Variants in SEPTIN14 observed in about 807,000 individuals in gnomAD.
SEPTIN14 encodes septin 14, also known as septin-14.
In SEPTIN14, 40 loss-of-function variants were observed where a neutral mutation model predicts 53.6. The observed-to-expected ratio is 0.75, with a 90% CI of 0.58 to 0.97. The LOEUF (loss-of-function observed/expected upper bound fraction) is 0.97. Among genes scored for constraint, SEPTIN14 ranks in the 50% least tolerant of loss-of-function variants. The pLI, the probability that SEPTIN14 is intolerant of heterozygous loss-of-function variation, is 0.00. For missense variants in SEPTIN14, 471 were observed against 508.2 expected, an observed-to-expected ratio of 0.93 and a Z score of 0.70; for synonymous variants, 138 against 166.8, an observed-to-expected ratio of 0.83 and a Z score of 1.33.
intron 6 of SEPTIN14, among the ~76,000 whole-genome samples, chr7:55,821,235 C>T (rs1788889005): frequency 6.6e-6 from 1 of 152,136 alleles, no homozygotes; most frequent in African/African-American, 2.4e-5. Flanking sequence ...GGGCCCTGAC[C>T]ATCCTTGCCT....
chr7:55,800,960 T>A (rs1364179771), intron 9 of SEPTIN14, among the ~76,000 whole-genome samples: 1 of 152,142 alleles, frequency 6.6e-6, no homozygotes, highest in Non-Finnish European at 1.5e-5. Flanking sequence ...TATGTATACC[T>A]ACTAGGTACC....
chr7:55,822,252 G>A (rs1324899566), intron 6 of SEPTIN14, among the ~76,000 whole-genome samples: 1 of 151,894 alleles, frequency 6.6e-6, no homozygotes, highest in Non-Finnish European at 1.5e-5. Context: ...AAAAAATCAG[G>A]GACTATCTAA....
Position 55,843,002 on chromosome 7 carries a change from T to C in SEPTIN14, c.498A>G (p.Ser166=), listed in dbSNP as rs763699912. ...GAGACTTCAGGGAATGTCCTGTAGG[T>C]GAAATGAAGTAAAGACACACGTGGA... ...SRVHVCLYFI[S]PTGHSLKSLD... The change falls in exon 5 of 10, where the codon TCA becomes TCG. Residue 166 remains serine (S), a synonymous_variant. Coordinates refer to ENST00000388975, the MANE Select transcript of SEPTIN14 (RefSeq NM_207366.3). The C allele has an allele frequency of 5.7e-6, 9 of 1,575,032 alleles. No homozygotes were observed. The highest frequency in any genetic ancestry group is 7.8e-6 in the Non-Finnish European group (9 of 1,160,112).
intron 2 of SEPTIN14, among the ~76,000 whole-genome samples, chr7:55,849,280 G>C (rs902323730): frequency 6.6e-6 from 1 of 151,270 alleles, no homozygotes; most frequent in African/African-American, 2.4e-5. Flanking sequence ...AACTGAAATC[G>C]GACCACTGCA....
chr7:55,848,048 C>A (rs1363142510), intron 2 of SEPTIN14, among the ~76,000 whole-genome samples: 1 of 152,064 alleles, frequency 6.6e-6, no homozygotes, highest in Non-Finnish European at 1.5e-5. Flanking sequence ...TTTAAATTAA[C>A]CCGCTTTAAA....
chr7:55,858,872 T>C (rs1039708106), intron 2 of SEPTIN14, among the ~76,000 whole-genome samples: 1 of 152,152 alleles, frequency 6.6e-6, no homozygotes, highest in African/African-American at 2.4e-5. Context: ...AGCCCAGCTT[T>C]ACTCAGAGAA....
intron 8 of SEPTIN14, among the ~76,000 whole-genome samples, chr7:55,806,190 G>A (rs761561795): frequency 1.4e-4 from 21 of 151,870 alleles, no homozygotes; most frequent in Non-Finnish European, 2.5e-4. Context: ...TAGTAGGGAC[G>A]GAGCTTTACC....
intron 9 of SEPTIN14, among the ~76,000 whole-genome samples, chr7:55,796,451 C>T (rs193021731): frequency 4.7e-4 from 71 of 151,992 alleles, no homozygotes; most frequent in Admixed American, 1.2e-3. Context: ...TTAGTAGAGA[C>T]GGGGTTTCAC....
chr7:55,832,109 G>A (rs1195248473), intron 6 of SEPTIN14, among the ~76,000 whole-genome samples: 3 of 151,980 alleles, frequency 2.0e-5, no homozygotes, highest in African/African-American at 7.2e-5. Flanking sequence ...GCTGAGGCAG[G>A]GGAATCTCTT....
chr7:55,854,215 T>C (rs900254675), intron 2 of SEPTIN14, among the ~76,000 whole-genome samples: 2 of 152,180 alleles, frequency 1.3e-5, no homozygotes, highest in Non-Finnish European at 2.9e-5. Context: ...GTGAAAAATA[T>C]TATATTTGAT....
At chr7:55,833,585 G>A (rs934760819) in intron 6 of SEPTIN14, among the ~76,000 whole-genome samples, 3 of 151,954 alleles carry the variant, frequency 2.0e-5, no homozygotes, top group African/African-American at 7.3e-5. Flanking sequence ...GCATGCTCCT[G>A]TAATCCCAGC....
intron 8 of SEPTIN14, among the ~76,000 whole-genome samples, chr7:55,806,164 A>T (rs945571071): frequency 3.3e-5 from 5 of 151,270 alleles, no homozygotes; most frequent in African/African-American, 1.2e-4. Context: ...CGCCCAGCTA[A>T]TTTTTTTTGT....
At chr7:55,843,188 G>T in intron 4 of SEPTIN14, 60 bp from the exon 5 acceptor site, 1 of 1,080,966 alleles carries the variant, frequency 9.3e-7, no homozygotes, top group South Asian at 1.8e-5. Context: ...CCTGCTTTTT[G>T]ACCACTTAAT....
intron 8 of SEPTIN14, among the ~76,000 whole-genome samples, chr7:55,806,693 C>G (rs1228300323): frequency 6.6e-6 from 1 of 151,532 alleles, no homozygotes; most frequent in East Asian, 1.9e-4. Flanking sequence ...AAATACCTGA[C>G]CTTAGATGAT....
chr7:55,827,482 A>G (rs1440861645), intron 6 of SEPTIN14, among the ~76,000 whole-genome samples: 1 of 152,188 alleles, frequency 6.6e-6, no homozygotes, highest in Non-Finnish European at 1.5e-5. Context: ...ATAGGGAAAC[A>G]CATCATGTTC....
chr7:55,802,629 T>C (rs1454170910), intron 9 of SEPTIN14, among the ~76,000 whole-genome samples: 2 of 152,150 alleles, frequency 1.3e-5, no homozygotes, highest in African/African-American at 4.8e-5. Context: ...CGCTATAAGA[T>C]CTAAAGCTGT....
In SEPTIN14 at chr7:55,794,219, AT is replaced by A. The variant is rs1471901743; in HGVS notation, c.*1693del. On this transcript the variant is annotated 3_prime_UTR_variant, in exon 10 of 10. Transcript: ENST00000388975. ...TATTCTCAAATGCAGCACAATGATA[AT>A]TTTTATAAGGTAGATGTTATTTTTA... 1 of 152,156 alleles carries A rather than the reference AT, an allele frequency of 6.6e-6. No individual in the cohort carries two copies. Among genetic ancestry groups the A allele is most frequent in the Non-Finnish European group, 1.5e-5 (1 of 68,020 alleles). 9.4% of individuals were successfully genotyped at this position (152,156 alleles called of 1,614,324 possible).
At chr7:55,815,698 C>G (rs1173797180) in intron 7 of SEPTIN14, among the ~76,000 whole-genome samples, 1 of 152,088 alleles carries the variant, frequency 6.6e-6, no homozygotes, top group African/African-American at 2.4e-5. Context: ...CAGGCAATAA[C>G]AAATGCTGGT....
At position 55,830,349 on chromosome 7, in the gene SEPTIN14, A is replaced by ATTTT. The variant is rs1216458496; in HGVS notation, c.720+4072_720+4075dup. On this transcript the variant is annotated intron_variant, in intron 6 of 9. Coordinates refer to ENST00000388975, the MANE Select transcript of SEPTIN14 (RefSeq NM_207366.3). ...TATATATATATATATATATATATAT[A>ATTTT]TTTTTTTTTTTTTTTGAGACGGAGT... Among the ~76,000 whole-genome samples, 336 of 56,772 alleles carry ATTTT rather than the reference A, an allele frequency of 5.9e-3. 9 individuals carry two copies. The highest frequency in any genetic ancestry group is 0.033 in the East Asian group (54 of 1,630). 37.2% of individuals were successfully genotyped at this position (56,772 alleles called of 152,430 possible).
Sources: allele counts gnomAD v4.1 joint callset (sites outside exome capture counted in the v4.1 genomes callset), GRCh38; gene constraint gnomAD v4.1.1; transcripts MANE v1.5; gene names NCBI Gene and HGNC (gene_info 2026-07-23, HGNC 2026-07-21).